The following CSMD1 variants were observed in gnomAD, a reference collection of about 807,000 sequenced individuals.
CSMD1 encodes CUB and sushi domain-containing protein 1.
Under a neutral mutation model 417.5 loss-of-function variants are expected in CSMD1, and 213 were observed. The ratio of observed to expected loss-of-function variants is 0.51; its 90% CI spans 0.46 to 0.57. CSMD1 has a LOEUF of 0.57. CSMD1 is among the 20% of genes least tolerant of loss of function. The pLI is 0.00. For synonymous variants in CSMD1, 2,862 were observed against 1,736.8 expected, an observed-to-expected ratio of 1.65 and a Z score of -16.11; for missense variants, 6,923 against 4,529.7, an observed-to-expected ratio of 1.53 and a Z score of -15.17.
chr8:4,402,033 A>G (rs922075836), intron 3 of CSMD1, among the ~76,000 whole-genome samples: 1 of 152,044 alleles, frequency 6.6e-6, no homozygotes, highest in Non-Finnish European at 1.5e-5. Flanking sequence ...ATTCGTGGTG[A>G]CTTCACTATC....
At chr8:3,423,921 C>G (rs1813658605) in intron 12 of CSMD1, among the ~76,000 whole-genome samples, 1 of 152,146 alleles carries the variant, frequency 6.6e-6, no homozygotes, top group African/African-American at 2.4e-5. Context: ...CAAATAAACA[C>G]ACACCTCAAT....
intron 49 of CSMD1, among the ~76,000 whole-genome samples, chr8:3,073,601 C>G (rs1870615): frequency 7.2e-5 from 11 of 152,134 alleles, no homozygotes; most frequent in South Asian, 2.1e-4. Flanking sequence ...ATAGAGAGGA[C>G]TTTTCTAGGC....
chr8:4,134,578 G>C (rs920545951), intron 3 of CSMD1, among the ~76,000 whole-genome samples: 3 of 152,116 alleles, frequency 2.0e-5, no homozygotes, highest in African/African-American at 7.2e-5. Flanking sequence ...GCAGCCCTAA[G>C]GAATGCATAC....
intron 8 of CSMD1, among the ~76,000 whole-genome samples, chr8:3,596,757 T>C (rs980719348): frequency 2.6e-5 from 4 of 152,048 alleles, no homozygotes; most frequent in Admixed American, 2.6e-4. Context: ...AAAACACTGC[T>C]ATAATTCAGG....
rs375692873 is a variant in CSMD1, at chr8:4,411,084, G to A, written c.415+8869C>T. On this transcript the variant is annotated intron_variant, in intron 3 of 69. Transcript: ENST00000635120. ...CCACCCGTTTATGAGGAAACCCAAG[G>A]CCCCCTCCACGTGTGGCCACCTGAT... Among the ~76,000 whole-genome samples, 282 of 152,022 alleles carry A rather than the reference G, an allele frequency of 1.9e-3. 2 individuals carry two copies. The highest frequency in any genetic ancestry group is 0.01 in the Middle Eastern group (3 of 294).
At chr8:4,241,670 T>C (rs1802411926) in intron 3 of CSMD1, among the ~76,000 whole-genome samples, 1 of 151,910 alleles carries the variant, frequency 6.6e-6, no homozygotes, top group Non-Finnish European at 1.5e-5. Flanking sequence ...ATTTCTTCCA[T>C]CCAGATAAGA....
intron 23 of CSMD1, among the ~76,000 whole-genome samples, chr8:3,315,488 T>G (rs1050238446): frequency 1.4e-5 from 2 of 146,632 alleles, no homozygotes; most frequent in Non-Finnish European, 3.0e-5. Flanking sequence ...TTTAAATTAT[T>G]TATGGTTTTT....
intron 6 of CSMD1, among the ~76,000 whole-genome samples, chr8:3,715,323 T>C: frequency 6.6e-6 from 1 of 152,166 alleles, no homozygotes; most frequent in Non-Finnish European, 1.5e-5. Context: ...GAGCTATGTC[T>C]CTACTGTGGT....
intron 2 of CSMD1, among the ~76,000 whole-genome samples, chr8:4,489,120 C>A (rs762098811): frequency 3.9e-5 from 6 of 152,122 alleles, no homozygotes; most frequent in Non-Finnish European, 7.3e-5. Flanking sequence ...CCATGTCGGC[C>A]AGGCTGGTCT....
intron 62 of CSMD1, among the ~76,000 whole-genome samples, chr8:2,958,555 G>C (rs1803193685): frequency 6.6e-6 from 1 of 152,148 alleles, no homozygotes; most frequent in African/African-American, 2.4e-5. Context: ...GTCTTTTTTA[G>C]AGAATGAGCT....
chr8:3,867,535 C>A (rs927928538), intron 5 of CSMD1, among the ~76,000 whole-genome samples: 2 of 152,094 alleles, frequency 1.3e-5, no homozygotes, highest in South Asian at 2.1e-4. Context: ...TCCCAGACAA[C>A]AGAAGGCTAG....
At chr8:3,909,674 C>G (rs1808330636) in intron 5 of CSMD1, among the ~76,000 whole-genome samples, 1 of 152,118 alleles carries the variant, frequency 6.6e-6, no homozygotes. Flanking sequence ...CCCTCCTTTT[C>G]CTAACATCAT....
chr8:4,803,117 T>C (rs962075887), intron 1 of CSMD1, among the ~76,000 whole-genome samples: 1 of 152,196 alleles, frequency 6.6e-6, no homozygotes, highest in Non-Finnish European at 1.5e-5. Flanking sequence ...AAAGATCATG[T>C]ATATGATTTT....
intron 5 of CSMD1, among the ~76,000 whole-genome samples, chr8:3,980,740 G>C (rs899098089): frequency 6.6e-6 from 1 of 152,152 alleles, no homozygotes; most frequent in Non-Finnish European, 1.5e-5. Context: ...CCACCCTTCT[G>C]AATTCCTGAA....
At chr8:3,585,740 C>G (rs891835310) in intron 9 of CSMD1, among the ~76,000 whole-genome samples, 2 of 152,066 alleles carry the variant, frequency 1.3e-5, no homozygotes, top group Non-Finnish European at 2.9e-5. Context: ...ATAATTAATA[C>G]CTAAAAAATT....
chr8:4,190,765 C>T (rs1266176457), intron 3 of CSMD1, among the ~76,000 whole-genome samples: 8 of 152,028 alleles, frequency 5.3e-5, no homozygotes, highest in African/African-American at 7.2e-5. Context: ...CAGTACTATG[C>T]GGCCATTATA....
At chr8:3,605,003 A>C (rs971345276) in intron 8 of CSMD1, among the ~76,000 whole-genome samples, 4 of 152,156 alleles carry the variant, frequency 2.6e-5, no homozygotes, top group East Asian at 1.9e-4. Context: ...ACTTAAAAGA[A>C]AGCAGTTCTT....
chr8:3,717,808 A>T (rs181970405), intron 6 of CSMD1, among the ~76,000 whole-genome samples: 1 of 152,198 alleles, frequency 6.6e-6, no homozygotes, highest in African/African-American at 2.4e-5. Flanking sequence ...TAATGTATTT[A>T]ATTCCTTTAT....
intron 10 of CSMD1, among the ~76,000 whole-genome samples, chr8:3,499,734 C>G (rs960152079): frequency 1.3e-5 from 2 of 151,968 alleles, no homozygotes; most frequent in Admixed American, 1.3e-4. Context: ...GTTTGTGTCA[C>G]TGAGTGCAGC....
Sources: gnomAD v4.1 joint callset for allele counts (sites outside exome capture counted in the v4.1 genomes callset) on GRCh38, gnomAD v4.1.1 for gene constraint, MANE v1.5 for transcripts, NCBI Gene and HGNC (gene_info 2026-07-23, HGNC 2026-07-21) for gene names.